FMNL2: variants seen among roughly 807,000 people sequenced by gnomAD.
FMNL2 encodes formin-like protein 2.
FMNL2 carries 51 observed loss-of-function variants against 130.2 expected under a neutral mutation model. The observed-to-expected ratio is 0.39, with a 90% CI of 0.31 to 0.49. The LOEUF (loss-of-function observed/expected upper bound fraction) is 0.49, where lower values mean the gene tolerates loss of function less well. FMNL2 is among the 20% of genes least tolerant of loss of function. The pLI is 0.85. For synonymous variants in FMNL2, 465 were observed against 467.1 expected (o/e 1.00, Z 0.06); for missense variants, 977 against 1,316.2 (o/e 0.74, Z 3.99).
At chr2:152,615,030 C>G in intron 12 of FMNL2, 30 bp downstream of exon 12, 1 of 1,602,986 alleles carries the variant, frequency 6.2e-7, no homozygotes, top group Non-Finnish European at 8.5e-7. Flanking sequence ...GGAAAAATTG[C>G]TTACATTTCA....
At chr2:152,387,705 G>C (rs1684860650) in intron 1 of FMNL2, among the ~76,000 whole-genome samples, 1 of 151,932 alleles carries the variant, frequency 6.6e-6, no homozygotes. Flanking sequence ...ACGGGCTAGA[G>C]TGCAGTAGTG....
Position 152,611,537 on chromosome 2 carries a change from G to C in FMNL2, c.994G>C (p.Glu332Gln). Residue 332 changes from glutamate (E) to glutamine (Q), a missense_variant, in exon 11 of 26, where the codon GAA becomes CAA. Physicochemically the swap from Glu to Gln is conservative, Grantham distance 29. Around this residue, in one of 4 missense-constraint regions of FMNL2, gnomAD observed 689 missense variants for 995.9 expected, o/e 0.69. Transcript: ENST00000288670. ...TATTAATATTGTAGTCCATTCAGTAGAAGATATGAATTTCAGAGTTCACCT... is the reference window on the plus strand; with the variant it reads ...TATTAATATTGTAGTCCATTCAGTACAAGATATGAATTTCAGAGTTCACCT... The part of the protein sequence containing the change: ...QFINIVVHSV[E>Q]DMNFRVHLQY... 1 of 1,601,724 alleles carries C rather than the reference G, an allele frequency of 6.2e-7. No individual in the cohort carries two copies.
At position 152,540,777 on chromosome 2, in the gene FMNL2, CACACGTATACA is replaced by C. The variant is rs1694271206; in HGVS notation, c.202-1961_202-1951del. ...TAGTGGGTGCAGCGCACCAGCATGG[CACACGTATACA>C]TATGTAACTAACCTGCACAATGTGC... On this transcript the variant is annotated intron_variant, in intron 2 of 25. Coordinates refer to ENST00000288670, the MANE Select transcript of FMNL2 (RefSeq NM_052905.4). Among the ~76,000 whole-genome samples, 5 of 152,034 alleles carry C rather than the reference CACACGTATACA, an allele frequency of 3.3e-5. No homozygotes were observed. In the South Asian group the frequency reaches 1.0e-3, roughly 32 times the overall value.
At chr2:152,553,282 G>A (rs1695033984) in intron 4 of FMNL2, among the ~76,000 whole-genome samples, 1 of 152,084 alleles carries the variant, frequency 6.6e-6, no homozygotes, top group Non-Finnish European at 1.5e-5. Context: ...TTCCTAGATG[G>A]TACTTTTTTA....
At position 152,649,505 on chromosome 2, in the gene FMNL2, G is replaced by GTACTT. The variant is rs531709410; in HGVS notation, c.*1608_*1612dup. On this transcript the variant is annotated 3_prime_UTR_variant, in exon 26 of 26. Transcript: ENST00000288670. ...CCTGCGGGCACATTCCCATAAATGT[G>GTACTT]TACTTTACTTTAAAAAGAACATGCC... 33 of 152,590 alleles carry GTACTT rather than the reference G, an allele frequency of 2.2e-4. No homozygotes were observed. Among genetic ancestry groups the GTACTT allele is most frequent in the East Asian group, 3.9e-4 (2 of 5,182 alleles). 9.5% of individuals were successfully genotyped at this position (152,590 alleles called of 1,614,324 possible). A position where few individuals can be genotyped will look rare whatever the true frequency, so the allele number is the denominator to read the frequency against.
At chr2:152,462,871 G>A (rs1402235902) in intron 1 of FMNL2, among the ~76,000 whole-genome samples, 1 of 152,228 alleles carries the variant, frequency 6.6e-6, no homozygotes, top group East Asian at 1.9e-4. Context: ...CCTCCAATTC[G>A]TGGCTTGTTT....
intron 1 of FMNL2, among the ~76,000 whole-genome samples, chr2:152,488,105 A>T (rs1279694416): frequency 6.6e-6 from 1 of 152,126 alleles, no homozygotes; most frequent in East Asian, 1.9e-4. Context: ...TTTAGAAATT[A>T]TTTTCTGTGT....
intron 1 of FMNL2, among the ~76,000 whole-genome samples, chr2:152,396,027 A>G (rs945161109): frequency 9.2e-5 from 14 of 152,200 alleles, no homozygotes; most frequent in Admixed American, 9.2e-4. Flanking sequence ...ATTTGTCACT[A>G]TAGAGAGTGA....
At chr2:152,603,356 C>T (rs1698191115) in intron 9 of FMNL2, among the ~76,000 whole-genome samples, 1 of 149,954 alleles carries the variant, frequency 6.7e-6, no homozygotes, top group South Asian at 2.1e-4. Flanking sequence ...GGGTTATTTT[C>T]GCCAAGTTCA....
At chr2:152,371,681 A>AG (rs1297145755) in intron 1 of FMNL2, among the ~76,000 whole-genome samples, 1 of 151,642 alleles carries the variant, frequency 6.6e-6, no homozygotes, top group Admixed American at 6.6e-5. Context: ...AAAAAAAAAA[A>AG]AAAAAAAAGA....
intron 1 of FMNL2, among the ~76,000 whole-genome samples, chr2:152,436,573 C>T (rs2106111873): frequency 6.6e-6 from 1 of 152,300 alleles, no homozygotes; most frequent in East Asian, 1.9e-4. Context: ...TTGCATATTT[C>T]TCTCTTTTTG....
At chr2:152,428,358 T>C (rs910193000) in intron 1 of FMNL2, among the ~76,000 whole-genome samples, 2 of 152,202 alleles carry the variant, frequency 1.3e-5, no homozygotes, top group African/African-American at 4.8e-5. Flanking sequence ...TATGTACAGA[T>C]TTATCATGGA....
At chr2:152,536,754 T>G (rs1558945455) in intron 2 of FMNL2, among the ~76,000 whole-genome samples, 1 of 152,154 alleles carries the variant, frequency 6.6e-6, no homozygotes, top group Non-Finnish European at 1.5e-5. Context: ...TCCCCTGAGA[T>G]TTCTATTTTC....
At chr2:152,531,007 G>A (rs1050557923) in intron 2 of FMNL2, among the ~76,000 whole-genome samples, 3 of 152,144 alleles carry the variant, frequency 2.0e-5, no homozygotes, top group South Asian at 2.1e-4. Context: ...TCAACATGGC[G>A]GATACTAGCT....
intron 1 of FMNL2, among the ~76,000 whole-genome samples, chr2:152,481,352 T>A (rs569648793): frequency 9.2e-5 from 14 of 152,336 alleles, no homozygotes; most frequent in Non-Finnish European, 1.5e-4. Flanking sequence ...GACCCACCCG[T>A]TCATTATTAT....
chr2:152,399,030 A>G (rs768486150), intron 1 of FMNL2, among the ~76,000 whole-genome samples: 22 of 152,300 alleles, frequency 1.4e-4, no homozygotes, highest in Non-Finnish European at 2.9e-4. Flanking sequence ...GGAGACAGGA[A>G]CACTTGGGTG....
chr2:152,509,737 CTTTTTTTTTTTT>C (rs138976882), intron 1 of FMNL2, among the ~76,000 whole-genome samples: 1 of 58,676 alleles, frequency 1.7e-5, no homozygotes, highest in Admixed American at 3.2e-4. Context: ...TACTCTGGAC[CTTTTTTTTTTTT>C]TTTTTTTTTT....
chr2:152,356,396 T>C (rs1246334669), intron 1 of FMNL2, among the ~76,000 whole-genome samples: 1 of 152,242 alleles, frequency 6.6e-6, no homozygotes, highest in South Asian at 2.1e-4. Context: ...AGTGCTGGGA[T>C]TACAGGCGTG....
intron 11 of FMNL2, among the ~76,000 whole-genome samples, chr2:152,613,003 G>A (rs1233071485): frequency 6.6e-6 from 1 of 152,198 alleles, no homozygotes. Flanking sequence ...TTAGGAGACG[G>A]AATCACAGAG....
Sources: gnomAD v4.1 joint callset for allele counts (sites outside exome capture counted in the v4.1 genomes callset) on GRCh38, gnomAD v4.1.1 for gene constraint, gnomAD v4.1.1 regional missense constraint, MANE v1.5 for transcripts, NCBI Gene and HGNC (gene_info 2026-07-23, HGNC 2026-07-21) for gene names.